CTTNBP2: variants seen among roughly 807,000 people sequenced by gnomAD.
CTTNBP2 encodes the protein cortactin binding protein 2.
CTTNBP2 carries 108 observed loss-of-function variants against 156.9 expected under a neutral mutation model. That is an observed-to-expected ratio of 0.69 (90% CI 0.59 to 0.81). The LOEUF (loss-of-function observed/expected upper bound fraction) is 0.81, where lower values mean the gene tolerates loss of function less well. Among genes scored for constraint, CTTNBP2 ranks in the 30% least tolerant of loss-of-function variants. The probability of loss-of-function intolerance (pLI) is 0.00; values close to 1 mark genes in which losing one functional copy is unlikely to be tolerated. For missense variants in CTTNBP2, 1,924 were observed against 2,035.4 expected, an observed-to-expected ratio of 0.95 and a Z score of 1.05; for synonymous variants, 767 against 751.8, an observed-to-expected ratio of 1.02 and a Z score of -0.33.
chr7:117,742,903 G>C (rs926550611), intron 14 of CTTNBP2, among the ~76,000 whole-genome samples: 1 of 152,228 alleles, frequency 6.6e-6, no homozygotes, highest in Non-Finnish European at 1.5e-5. Context: ...CAAACAGCTG[G>C]TTCTGAAAGC....
At chr7:117,848,025 G>C (rs998143698) in intron 2 of CTTNBP2, among the ~76,000 whole-genome samples, 4 of 151,714 alleles carry the variant, frequency 2.6e-5, no homozygotes, top group African/African-American at 7.3e-5. Flanking sequence ...CACCATGTTG[G>C]CCAGGATGGT....
Position 117,817,434 on chromosome 7 carries a change from G to A in CTTNBP2, c.190-6445C>T, listed in dbSNP as rs753321658. Among the ~76,000 whole-genome samples, 36 of 138,992 alleles carry A rather than the reference G, an allele frequency of 2.6e-4. 1 individual carries two copies. The highest frequency in any genetic ancestry group is 6.9e-4 in the African/African-American group (26 of 37,874). The allele number at this position is 138,992 out of a possible 152,430, so 91.2% of individuals were successfully genotyped here. On this transcript the variant is annotated intron_variant, in intron 2 of 22. Coordinates refer to ENST00000160373, the MANE Select transcript of CTTNBP2 (RefSeq NM_033427.3). ...TTTAGAAAATCTTGTTGAGAATGTC[G>A]TAAGCAGGAAGTTGAAAGTTGACCA...
At chr7:117,717,975 A>AGCAATCATCCTTT in intron 22 of CTTNBP2, 43 bp downstream of exon 22, 1 of 1,209,294 alleles carries the variant, frequency 8.3e-7, no homozygotes, top group Non-Finnish European at 1.2e-6. Context: ...TCAATTCCAC[A>AGCAATCATCCTTT]GCAATCATCC....
At chr7:117,814,575 G>A (rs990121089) in intron 2 of CTTNBP2, among the ~76,000 whole-genome samples, 2 of 152,042 alleles carry the variant, frequency 1.3e-5, no homozygotes, top group Non-Finnish European at 2.9e-5. Context: ...CTATAGGCAC[G>A]TGCCACTACG....
chr7:117,750,334 C>G (rs1013141220), intron 12 of CTTNBP2, among the ~76,000 whole-genome samples: 4 of 152,148 alleles, frequency 2.6e-5, no homozygotes, highest in African/African-American at 9.7e-5. Context: ...GAAACACATG[C>G]AGGAAACATT....
chr7:117,773,187 C>T (rs979569506), intron 8 of CTTNBP2, among the ~76,000 whole-genome samples: 1 of 152,202 alleles, frequency 6.6e-6, no homozygotes, highest in Non-Finnish European at 1.5e-5. Flanking sequence ...CTCCATGCGA[C>T]AACGAATAAC....
At chr7:117,842,276 C>T (rs146725728) in intron 2 of CTTNBP2, among the ~76,000 whole-genome samples, 1 of 152,268 alleles carries the variant, frequency 6.6e-6, no homozygotes. Context: ...TCCCGGCTCA[C>T]TACAATCTCT....
intron 1 of CTTNBP2, chr7:117,871,823 T>G: frequency 2.3e-6 from 1 of 439,730 alleles, no homozygotes; most frequent in Non-Finnish European, 2.7e-6. Flanking sequence ...ACACACCCTC[T>G]TTCTTTTTCG....
rs1469967110 is a variant in CTTNBP2 at position 117,792,192 on chromosome 7, G to A, written c.1004C>T (p.Pro335Leu). 1 of 1,614,138 alleles carries A rather than the reference G, an allele frequency of 6.2e-7. No individual in the cohort carries two copies. Among genetic ancestry groups the A allele is most frequent in the Admixed American group, 1.7e-5 (1 of 60,022 alleles). The change falls in exon 4 of 23, where the codon CCC becomes CTC. Residue 335 changes from proline (P) to leucine (L), a missense_variant. By Grantham distance (98) the Pro-to-Leu change is moderately conservative. Coordinates refer to ENST00000160373, the MANE Select transcript of CTTNBP2 (RefSeq NM_033427.3). This position sits in a 1 kb window ranked among gnomAD's most constrained non-coding sequence, Gnocchi z 4.2. ...TMPVKPSTGS[P>L]LVSANAKGSV... ...CCCTTTTGCATTTGCAGAAACTAGG[G>A]GACTCCCTGTGGAAGGTTTTACAGG...
chr7:117,861,905 A>T (rs894931618), intron 1 of CTTNBP2, among the ~76,000 whole-genome samples: 1 of 151,926 alleles, frequency 6.6e-6, no homozygotes, highest in Non-Finnish European at 1.5e-5. Flanking sequence ...GTCACCAAAA[A>T]ATCCAGATCC....
At chr7:117,743,973 G>C (rs1247881429) in intron 14 of CTTNBP2, among the ~76,000 whole-genome samples, 1 of 151,780 alleles carries the variant, frequency 6.6e-6, no homozygotes, top group Non-Finnish European at 1.5e-5. Flanking sequence ...CTAGGTTTGT[G>C]GTATCCTCAG....
At chr7:117,763,943 T>C (rs1166475242) in intron 9 of CTTNBP2, among the ~76,000 whole-genome samples, 1 of 152,032 alleles carries the variant, frequency 6.6e-6, no homozygotes. Flanking sequence ...TAAAAAATAT[T>C]TTCTGCCCTA....
At chr7:117,863,570 T>C (rs1803912467) in intron 1 of CTTNBP2, among the ~76,000 whole-genome samples, 2 of 152,238 alleles carry the variant, frequency 1.3e-5, no homozygotes, top group African/African-American at 4.8e-5. Flanking sequence ...AATCTGCCCT[T>C]CTAACAAGCT....
intron 2 of CTTNBP2, among the ~76,000 whole-genome samples, chr7:117,848,552 C>T (rs1211100078): frequency 2.0e-5 from 3 of 152,212 alleles, no homozygotes; most frequent in African/African-American, 7.2e-5. Flanking sequence ...GGAAAAGTTT[C>T]TCTTCCCTGA....
chr7:117,769,841 T>C (rs891575301), intron 8 of CTTNBP2, among the ~76,000 whole-genome samples: 7 of 152,212 alleles, frequency 4.6e-5, no homozygotes, highest in Middle Eastern at 3.2e-3. Context: ...GCAGTAAATG[T>C]AGGTAAGAGC....
chr7:117,760,326 G>A (rs1797132796), intron 10 of CTTNBP2, 109 bp downstream of exon 10: 2 of 1,093,084 alleles, frequency 1.8e-6, no homozygotes, highest in Admixed American at 2.5e-5. Flanking sequence ...GCTGCCACAA[G>A]TAAGCTTTGA....
intron 4 of CTTNBP2, among the ~76,000 whole-genome samples, chr7:117,789,359 AG>A (rs1173518842): frequency 6.6e-6 from 1 of 152,154 alleles, no homozygotes; most frequent in Non-Finnish European, 1.5e-5. Flanking sequence ...TCTATATCCT[AG>A]GAAGTGTTTT....
chr7:117,783,755 C>T (rs942864710), intron 5 of CTTNBP2, among the ~76,000 whole-genome samples: 1 of 152,168 alleles, frequency 6.6e-6, no homozygotes, highest in African/African-American at 2.4e-5. Flanking sequence ...TATTTGACTA[C>T]AGGATTTGCA....
intron 10 of CTTNBP2, among the ~76,000 whole-genome samples, chr7:117,759,807 T>C (rs1033670984): frequency 2.6e-5 from 4 of 152,188 alleles, no homozygotes; most frequent in South Asian, 2.1e-4. Context: ...AGATTTCCCA[T>C]AGAAGGTAGT....
Sources: allele counts gnomAD v4.1 joint callset (sites outside exome capture counted in the v4.1 genomes callset), GRCh38; gene constraint gnomAD v4.1.1; non-coding constraint Gnocchi (gnomAD v3.1); transcripts MANE v1.5; gene names NCBI Gene and HGNC (gene_info 2026-07-23, HGNC 2026-07-21).